COL5A2: variants seen among roughly 807,000 people sequenced by gnomAD.
COL5A2 encodes collagen type V alpha 2 chain.
Under a neutral mutation model 208.2 loss-of-function variants are expected in COL5A2, and 23 were observed. That is an observed-to-expected ratio of 0.11 (90% CI 0.08 to 0.16). The LOEUF is 0.16. Ranked by LOEUF, COL5A2 falls within the 10% of genes least tolerant of loss-of-function variation. The probability of loss-of-function intolerance (pLI) is 1.00; values close to 1 mark genes in which losing one functional copy is unlikely to be tolerated. For synonymous variants in COL5A2, 625 were observed against 628.5 expected (o/e 0.99, Z 0.08); for missense variants, 1,590 against 1,956.4 (o/e 0.81, Z 3.53).
the COL5A2 span, among the ~76,000 whole-genome samples, chr2:189,414,967 C>T: frequency 1.8e-4 from 27 of 152,010 alleles, no homozygotes; most frequent in South Asian, 5.4e-3. Flanking sequence ...TAGGTGTGAA[C>T]AAAAACAAAG....
chr2:189,054,079 T>C (rs1343125470), intron 36 of COL5A2, 80 bp downstream of exon 36: 1 of 1,449,588 alleles, frequency 6.9e-7, no homozygotes, highest in East Asian at 2.3e-5. Flanking sequence ...CCATATGTTA[T>C]AAAATGAAAA....
At chr2:189,208,632 C>A (rs1231272133) in intron 1 of COL5A2, among the ~76,000 whole-genome samples, 1 of 152,146 alleles carries the variant, frequency 6.6e-6, no homozygotes, top group Non-Finnish European at 1.5e-5. Flanking sequence ...CTGAAAAATT[C>A]TATTTTGACC....
the COL5A2 span, among the ~76,000 whole-genome samples, chr2:189,424,712 ATAAC>A: frequency 6.6e-6 from 1 of 152,252 alleles, no homozygotes; most frequent in Non-Finnish European, 1.5e-5. Context: ...ATGGACTGAA[ATAAC>A]TAATATTGTT....
chr2:189,243,671 T>C, the COL5A2 span, among the ~76,000 whole-genome samples: 1 of 152,140 alleles, frequency 6.6e-6, no homozygotes, highest in African/African-American at 2.4e-5. Context: ...TATCCTCACA[T>C]TTCAAAACAA....
chr2:189,075,491 T>C (rs1371182427), intron 16 of COL5A2, 54 bp from the exon 17 acceptor site: 1 of 1,403,228 alleles, frequency 7.1e-7, no homozygotes, highest in Non-Finnish European at 1.0e-6. Context: ...TAGACTATAT[T>C]TTCTCTTATT....
At chr2:189,346,962 C>T in the COL5A2 span, among the ~76,000 whole-genome samples, 179 of 152,188 alleles carry the variant, frequency 1.2e-3, 1 homozygote, top group Non-Finnish European at 2.2e-3. Flanking sequence ...AGGAGAACTG[C>T]CATTTTAGAG....
the COL5A2 span, among the ~76,000 whole-genome samples, chr2:189,316,109 G>A: frequency 6.6e-6 from 1 of 152,072 alleles, no homozygotes; most frequent in Non-Finnish European, 1.5e-5. Context: ...TCCATTACTT[G>A]CTATATACCT....
chr2:189,299,055 C>A, the COL5A2 span, among the ~76,000 whole-genome samples: 1 of 152,094 alleles, frequency 6.6e-6, no homozygotes, highest in South Asian at 2.1e-4. Context: ...CAGCTTTTGT[C>A]TACTATTTTC....
intron 11 of COL5A2, among the ~76,000 whole-genome samples, chr2:189,084,388 A>G (rs1686605132): frequency 6.6e-6 from 1 of 152,200 alleles, no homozygotes; most frequent in African/African-American, 2.4e-5. Flanking sequence ...ATATGATCAC[A>G]TGACACTGAA....
chr2:189,424,453 G>A, the COL5A2 span, among the ~76,000 whole-genome samples: 4 of 151,956 alleles, frequency 2.6e-5, no homozygotes, highest in Admixed American at 2.6e-4. Flanking sequence ...CCAAATAATT[G>A]TTATAACTAA....
intron 5 of COL5A2, 186 bp from the exon 6 acceptor site, chr2:189,097,516 T>G (rs1333349978): frequency 5.7e-6 from 4 of 702,506 alleles, no homozygotes; most frequent in Non-Finnish European, 1.0e-5. Flanking sequence ...GTTGTTTATG[T>G]TATCAGTGAC....
intron 1 of COL5A2, among the ~76,000 whole-genome samples, chr2:189,164,097 C>G (rs1395570042): frequency 6.6e-6 from 1 of 152,066 alleles, no homozygotes; most frequent in Non-Finnish European, 1.5e-5. Flanking sequence ...GGACTTTTTT[C>G]TAAACGTTTG....
intron 1 of COL5A2, among the ~76,000 whole-genome samples, chr2:189,153,512 AAG>A (rs1223600110): frequency 6.6e-6 from 1 of 152,178 alleles, no homozygotes; most frequent in Non-Finnish European, 1.5e-5. Context: ...ATTAGCCAGG[AAG>A]AGTTTTCCCA....
the COL5A2 span, among the ~76,000 whole-genome samples, chr2:189,395,898 C>CAAAAA: frequency 3.6e-4 from 19 of 53,208 alleles, no homozygotes; most frequent in South Asian, 1.2e-3. Context: ...GGACACATCT[C>CAAAAA]AAAAAAAAAA....
At position 189,032,087 on chromosome 2, in the gene COL5A2, T is replaced by A. The variant is rs1685347202; in HGVS notation, c.*1983A>T. ...CAAAACTCACACATGTATTTAGGCA[T>A]ATAAATACTCAAATTTAAGATATAC... On this transcript the variant is annotated 3_prime_UTR_variant, in exon 54 of 54. Transcript: ENST00000374866. 1 of 152,136 alleles carries A rather than the reference T, an allele frequency of 6.6e-6. No homozygotes were observed. The highest frequency in any genetic ancestry group is 1.5e-5 in the Non-Finnish European group (1 of 68,010). 9.4% of individuals were successfully genotyped at this position (152,136 alleles called of 1,614,324 possible).
At chr2:189,416,726 T>TA in the COL5A2 span, among the ~76,000 whole-genome samples, 2 of 152,160 alleles carry the variant, frequency 1.3e-5, no homozygotes, top group African/African-American at 2.4e-5. Context: ...ATAAAATTTT[T>TA]TAAAAAAATC....
intron 23 of COL5A2, 26 bp from the exon 24 acceptor site, chr2:189,065,083 T>C: frequency 1.2e-6 from 2 of 1,609,606 alleles, no homozygotes; most frequent in South Asian, 1.1e-5. Context: ...ATGTGATTCT[T>C]AATTGTTGTT....
chr2:189,188,197 C>T (rs998775616), intron 1 of COL5A2, among the ~76,000 whole-genome samples: 1 of 152,094 alleles, frequency 6.6e-6, no homozygotes, highest in Admixed American at 6.5e-5. Context: ...ATGTGACTGC[C>T]ATTATATGAC....
chr2:189,393,737 C>T, the COL5A2 span, among the ~76,000 whole-genome samples: 9 of 152,178 alleles, frequency 5.9e-5, no homozygotes, highest in Non-Finnish European at 7.4e-5. Flanking sequence ...CTTATAGCTT[C>T]TATTAGATCT....
Sources: allele counts gnomAD v4.1 joint callset (sites outside exome capture counted in the v4.1 genomes callset), GRCh38; gene constraint gnomAD v4.1.1; transcripts MANE v1.5; gene names NCBI Gene and HGNC (gene_info 2026-07-23, HGNC 2026-07-21).